Variants in KCNIP1 observed in about 807,000 individuals in gnomAD.
KCNIP1 encodes A-type potassium channel modulatory protein KCNIP1.
A neutral mutation model predicts 33.0 loss-of-function variants in KCNIP1; 18 were observed. The ratio of observed to expected loss-of-function variants is 0.55; its 90% CI spans 0.38 to 0.81. KCNIP1 has a LOEUF of 0.81. Ranked by LOEUF, KCNIP1 falls within the 30% of genes least tolerant of loss-of-function variation. The probability of loss-of-function intolerance (pLI) is 0.00; values close to 1 mark genes in which losing one functional copy is unlikely to be tolerated. For synonymous variants in KCNIP1, 93 were observed against 98.3 expected (o/e 0.95, Z 0.32); for missense variants, 238 against 271.6 (o/e 0.88, Z 0.87).
rs1293253869 is a variant in KCNIP1, at chr5:170,357,708, T to C, written c.88+3744T>C. 3.3e-5 allele frequency among the ~76,000 whole-genome samples: 5 copies of C among 152,270 alleles called. No homozygotes were observed. In the East Asian group the frequency reaches 9.7e-4, roughly 29 times the overall value. On this transcript the variant is annotated intron_variant, in intron 1 of 7. Transcript: ENST00000377360. ...CCACAACCAGCTAATTTTGACTGTT[T>C]ATAGAGACAGGGTCTCACTATGTTG...
At chr5:170,398,951 A>C (rs1054383554) in intron 1 of KCNIP1, among the ~76,000 whole-genome samples, 5 of 152,306 alleles carry the variant, frequency 3.3e-5, no homozygotes, top group South Asian at 2.1e-4. Flanking sequence ...GCAGGAAATA[A>C]TTCAAGGAGA....
chr5:170,608,760 C>CAA (rs34976967), intron 1 of KCNIP1, among the ~76,000 whole-genome samples: 3 of 141,432 alleles, frequency 2.1e-5, no homozygotes, highest in Admixed American at 1.4e-4. Context: ...GAAACTGTCT[C>CAA]AAAAAAAAAA....
At position 170,390,517 on chromosome 5, in the gene KCNIP1, A is replaced by AAAATATATATAT; in HGVS notation, c.88+36554_88+36555insAATATATATATA. Among the ~76,000 whole-genome samples the AAAATATATATAT allele has an allele frequency of 6.8e-4, 51 of 74,528 alleles. 2 individuals are homozygous for AAAATATATATAT. The highest frequency in any genetic ancestry group is 2.2e-3 in the South Asian group (5 of 2,264). The allele number at this position is 74,528 out of a possible 152,430, so 48.9% of individuals were successfully genotyped here. A position where few individuals can be genotyped will look rare whatever the true frequency, so the allele number is the denominator to read the frequency against. ...GACCCCGTCTCAAAAAAAAAAAACAAATATATATATATATATATATATTTT... is the reference window on the plus strand; with the variant it reads ...GACCCCGTCTCAAAAAAAAAAAACAAAAATATATATATATATATATATATATATATATATTTT... On this transcript the variant is annotated intron_variant, in intron 1 of 7. Coordinates refer to the KCNIP1 transcript ENST00000377360.
At chr5:170,497,959 T>C (rs778653422) in intron 1 of KCNIP1, among the ~76,000 whole-genome samples, 1 of 152,246 alleles carries the variant, frequency 6.6e-6, no homozygotes, top group Admixed American at 6.5e-5. Context: ...GGGCAGAGCC[T>C]GTGCCCCGGC....
At chr5:170,727,837 A>G (rs1764062347) in intron 5 of KCNIP1, among the ~76,000 whole-genome samples, 1 of 152,156 alleles carries the variant, frequency 6.6e-6, no homozygotes, top group Non-Finnish European at 1.5e-5. Flanking sequence ...GCTACTCCAG[A>G]GGCTGAGGCA....
chr5:170,623,964 C>T (rs11742855), intron 1 of KCNIP1, among the ~76,000 whole-genome samples: 4 of 152,286 alleles, frequency 2.6e-5, no homozygotes, highest in Non-Finnish European at 4.4e-5. Context: ...CCCAAGGAAC[C>T]GACTCCCTGA....
chr5:170,598,840 A>G (rs1421245985), intron 1 of KCNIP1, among the ~76,000 whole-genome samples: 1 of 151,800 alleles, frequency 6.6e-6, no homozygotes, highest in Non-Finnish European at 1.5e-5. Flanking sequence ...AGGATACTGA[A>G]TGCAAACAGG....
intron 1 of KCNIP1, among the ~76,000 whole-genome samples, chr5:170,671,376 A>G (rs11134643): frequency 0.2 from 29,717 of 151,896 alleles, 3,704 homozygotes; most frequent in East Asian, 0.54. Context: ...GAACCTTTAC[A>G]CTTGCTGTCT....
intron 1 of KCNIP1, among the ~76,000 whole-genome samples, chr5:170,551,070 G>A (rs569832786): frequency 3.9e-5 from 6 of 152,234 alleles, no homozygotes; most frequent in South Asian, 4.2e-4. Flanking sequence ...GGGTACAGGC[G>A]CACTCACTCA....
chr5:170,656,994 TTC>T lies in KCNIP1; in HGVS notation c.62-61762_62-61761del, dbSNP rs1491511298. Among the ~76,000 whole-genome samples, 1,118 of 123,672 alleles carry T rather than the reference TTC, an allele frequency of 9.0e-3. 29 individuals are homozygous for T. The highest frequency in any genetic ancestry group is 0.031 in the African/African-American group (999 of 32,082). 81.1% of individuals were successfully genotyped at this position (123,672 alleles called of 152,430 possible). A position where few individuals can be genotyped will look rare whatever the true frequency, so the allele number is the denominator to read the frequency against. Reference sequence around the variant, plus strand: ...GTCTTTTCTTTTCTTTTTTCTTTCTTTCTTTTTTTTTTTTTTTTTGAGACTGA... The same window carrying T: ...GTCTTTTCTTTTCTTTTTTCTTTCTTTTTTTTTTTTTTTTTTTGAGACTGA... On this transcript the variant is annotated intron_variant, in intron 1 of 7. Coordinates refer to ENST00000328939, the MANE Select transcript of KCNIP1 (RefSeq NM_014592.4).
intron 1 of KCNIP1, among the ~76,000 whole-genome samples, chr5:170,514,017 G>C (rs1237314715): frequency 1.3e-5 from 2 of 152,208 alleles, no homozygotes; most frequent in Non-Finnish European, 2.9e-5. Flanking sequence ...TAGTAAGCAA[G>C]GACTTGAAGT....
intron 1 of KCNIP1, among the ~76,000 whole-genome samples, chr5:170,464,692 A>G (rs1756573044): frequency 6.6e-6 from 1 of 152,088 alleles, no homozygotes; most frequent in Non-Finnish European, 1.5e-5. Flanking sequence ...GATCTGCCCT[A>G]AGTATAAAGA....
intron 1 of KCNIP1, among the ~76,000 whole-genome samples, chr5:170,710,335 T>C (rs999865909): frequency 7.2e-5 from 11 of 152,266 alleles, no homozygotes; most frequent in Middle Eastern, 3.2e-3. Context: ...TTTGATTGAC[T>C]TTTTGTATAT....
intron 1 of KCNIP1, among the ~76,000 whole-genome samples, chr5:170,357,852 C>T (rs1581104549): frequency 6.6e-6 from 1 of 152,178 alleles, no homozygotes; most frequent in Non-Finnish European, 1.5e-5. Flanking sequence ...ACCACTGCTT[C>T]CCCTCTGCTC....
chr5:170,722,562 C>T (rs1011068904), intron 4 of KCNIP1, 151 bp from the exon 5 acceptor site: 8 of 649,700 alleles, frequency 1.2e-5, no homozygotes, highest in Non-Finnish European at 2.2e-5. Flanking sequence ...AAGGCAGGAG[C>T]TCTTCACAGA....
chr5:170,562,874 G>A (rs1219217490), intron 1 of KCNIP1, among the ~76,000 whole-genome samples: 1 of 152,204 alleles, frequency 6.6e-6, no homozygotes, highest in African/African-American at 2.4e-5. Flanking sequence ...TGGGACCCAT[G>A]CTCCTGTAGC....
intron 1 of KCNIP1, among the ~76,000 whole-genome samples, chr5:170,690,875 G>A (rs1195971177): frequency 6.6e-6 from 1 of 152,222 alleles, no homozygotes; most frequent in Non-Finnish European, 1.5e-5. Flanking sequence ...GCTTTCATCT[G>A]TTTTACATAC....
intron 1 of KCNIP1, among the ~76,000 whole-genome samples, chr5:170,510,393 T>C (rs1393820451): frequency 1.3e-5 from 2 of 152,160 alleles, no homozygotes; most frequent in African/African-American, 2.4e-5. Context: ...GGCCAGAGTG[T>C]GCGTTCTTGA....
At chr5:170,383,742 C>G in intron 1 of KCNIP1, 1 of 1,614,194 alleles carries the variant, frequency 6.2e-7, no homozygotes. Context: ...CGGCAGCTGA[C>G]ACGTTGACCC....
Sources: allele counts gnomAD v4.1 joint callset (sites outside exome capture counted in the v4.1 genomes callset), GRCh38; gene constraint gnomAD v4.1.1; transcripts MANE v1.5; gene names NCBI Gene and HGNC (gene_info 2026-07-23, HGNC 2026-07-21).